Variants in NUAK1 observed in about 807,000 individuals in gnomAD.
NUAK1 encodes the protein NUAK family SNF1-like kinase 1.
NUAK1 carries 26 observed loss-of-function variants against 56.9 expected under a neutral mutation model. The ratio of observed to expected loss-of-function variants is 0.46; its 90% CI spans 0.33 to 0.63. NUAK1 has a LOEUF of 0.63. Ranked by LOEUF, NUAK1 falls within the 30% of genes least tolerant of loss-of-function variation. The pLI, the probability that NUAK1 is intolerant of heterozygous loss-of-function variation, is 0.02. For synonymous variants in NUAK1, 337 were observed against 336.0 expected, an observed-to-expected ratio of 1.00 and a Z score of -0.03; for missense variants, 727 against 876.1, an observed-to-expected ratio of 0.83 and a Z score of 2.15.
intron 2 of NUAK1, among the ~76,000 whole-genome samples, chr12:106,103,649 A>G (rs2032770354): frequency 6.6e-6 from 1 of 152,184 alleles, no homozygotes; most frequent in African/African-American, 2.4e-5. Flanking sequence ...TACTGCTTAC[A>G]TGCCTACTAA....
At chr12:106,094,494 G>T (rs1456453420) in intron 2 of NUAK1, among the ~76,000 whole-genome samples, 1 of 152,208 alleles carries the variant, frequency 6.6e-6, no homozygotes, top group Non-Finnish European at 1.5e-5. Context: ...TGGGCTCACA[G>T]CTTCACTAAA....
At chr12:106,096,430 C>T (rs924779173) in intron 2 of NUAK1, among the ~76,000 whole-genome samples, 1 of 152,228 alleles carries the variant, frequency 6.6e-6, no homozygotes, top group South Asian at 2.1e-4. Context: ...CTGAAGCACT[C>T]GTTCACATGA....
Position 106,066,836 on chromosome 12 carries a change from T to C in NUAK1, c.1952A>G (p.Lys651Arg). 2 of 1,613,944 alleles carry C rather than the reference T, an allele frequency of 1.2e-6. No individual in the cohort carries two copies. The highest frequency in any genetic ancestry group is 1.1e-5 in the South Asian group (1 of 91,074). The change falls in exon 7 of 7, where the codon AAG becomes AGG. Residue 651 changes from lysine (K) to arginine (R), a missense_variant. By Grantham distance (26) the Lys-to-Arg change is conservative. Transcript: ENST00000261402. ...CTTGCTGCAGATCTCCAGCGCTTGCTTGTAGACCTGAGTCACATCATCCAT... is the reference window on the plus strand; with the variant it reads ...CTTGCTGCAGATCTCCAGCGCTTGCCTGTAGACCTGAGTCACATCATCCAT... ...TDMDDVTQVY[K>R]QALEICSKLN
chr12:106,097,856 T>G (rs1367817123), intron 2 of NUAK1, among the ~76,000 whole-genome samples: 1 of 152,194 alleles, frequency 6.6e-6, no homozygotes, highest in Non-Finnish European at 1.5e-5. Flanking sequence ...CTTTGAGAAC[T>G]GCTGCTCAAA....
intron 1 of NUAK1, among the ~76,000 whole-genome samples, chr12:106,130,068 G>A (rs986390799): frequency 6.6e-5 from 10 of 151,746 alleles, no homozygotes; most frequent in Non-Finnish European, 1.3e-4. Flanking sequence ...TGCAACCTCC[G>A]CCTCACAGGT....
chr12:106,129,669 G>T (rs1289794102), intron 1 of NUAK1, among the ~76,000 whole-genome samples: 2 of 152,126 alleles, frequency 1.3e-5, no homozygotes, highest in African/African-American at 2.4e-5. Flanking sequence ...AAGATAAGAA[G>T]GTCACTGGGT....
chr12:106,089,268 G>T (rs11615359), intron 2 of NUAK1, among the ~76,000 whole-genome samples: 24,059 of 152,212 alleles, frequency 0.16, 2,978 homozygotes, highest in East Asian at 0.5. Flanking sequence ...AGTCTGGCAC[G>T]TCTTTAAGGG....
chr12:106,067,433 C>G lies in NUAK1; in HGVS notation c.1355G>C (p.Gly452Ala). ...GGCCGACTGCTTGGGGCTGAGTTTT[C>G]CCGGCACCTCTGCCTCTGGTGAGCT... ...LPSSPEAEVP[G>A]KLSPKQSATM... The change falls in exon 7 of 7, where the codon GGA becomes GCA. Residue 452 changes from glycine (G) to alanine (A), a missense_variant. By Grantham distance (60) the Gly-to-Ala change is moderately conservative. Coordinates refer to ENST00000261402, the MANE Select transcript of NUAK1 (RefSeq NM_014840.3). This position sits in a 1 kb window ranked among gnomAD's most constrained non-coding sequence, Gnocchi z 6.0. 6.2e-7 allele frequency: 1 copy of G among 1,614,202 alleles called. No homozygotes were observed. Among genetic ancestry groups the G allele is most frequent in the Non-Finnish European group, 8.5e-7 (1 of 1,180,052 alleles).
chr12:106,074,596 C>G (rs2032441809), intron 4 of NUAK1, among the ~76,000 whole-genome samples: 2 of 152,138 alleles, frequency 1.3e-5, no homozygotes, highest in African/African-American at 2.4e-5. Flanking sequence ...TTTCACTCCA[C>G]TCTAAGCCAG....
At chr12:106,090,677 A>G (rs1293078626) in intron 2 of NUAK1, among the ~76,000 whole-genome samples, 1 of 152,132 alleles carries the variant, frequency 6.6e-6, no homozygotes, top group Admixed American at 6.5e-5. Flanking sequence ...CCGCCTCCTC[A>G]TCAGTCCAAT....
intron 2 of NUAK1, among the ~76,000 whole-genome samples, chr12:106,098,390 C>T (rs780219372): frequency 6.6e-6 from 1 of 152,102 alleles, no homozygotes; most frequent in Non-Finnish European, 1.5e-5. Flanking sequence ...AAATGCTTAT[C>T]AAAGGACGTG....
chr12:106,112,591 C>G (rs2032872807), intron 1 of NUAK1, among the ~76,000 whole-genome samples: 1 of 152,204 alleles, frequency 6.6e-6, no homozygotes, highest in South Asian at 2.1e-4. Flanking sequence ...GCCTGGCCAA[C>G]TCAGAACAAC....
intron 1 of NUAK1, among the ~76,000 whole-genome samples, chr12:106,119,633 C>T (rs560839464): frequency 6.6e-6 from 1 of 152,320 alleles, no homozygotes; most frequent in Non-Finnish European, 1.5e-5. Flanking sequence ...TCCCCTTAAT[C>T]TTTAACTTTT....
chr12:106,104,711 A>G (rs2032783519), intron 2 of NUAK1, among the ~76,000 whole-genome samples: 1 of 152,226 alleles, frequency 6.6e-6, no homozygotes, highest in Admixed American at 6.5e-5. Flanking sequence ...AAATCCTATC[A>G]CCAAGGGCTC....
At chr12:106,128,526 C>G (rs142675250) in intron 1 of NUAK1, among the ~76,000 whole-genome samples, 167 of 152,314 alleles carry the variant, frequency 1.1e-3, no homozygotes, top group Non-Finnish European at 2.1e-3. Context: ...GGGTGAACCA[C>G]TCGTGAGCTG....
chr12:106,086,403 T>C (rs2032570943), intron 3 of NUAK1, among the ~76,000 whole-genome samples: 1 of 152,188 alleles, frequency 6.6e-6, no homozygotes, highest in African/African-American at 2.4e-5. Flanking sequence ...ATGTTAATAT[T>C]AGGGTAAACT....
chr12:106,088,535 G>C (rs1039643677), intron 2 of NUAK1, among the ~76,000 whole-genome samples: 7 of 152,158 alleles, frequency 4.6e-5, no homozygotes, highest in African/African-American at 1.2e-4. Flanking sequence ...AAAAACTATA[G>C]TGTTGGAATG....
chr12:106,120,603 C>T (rs531483760), intron 1 of NUAK1, among the ~76,000 whole-genome samples: 1 of 152,194 alleles, frequency 6.6e-6, no homozygotes, highest in South Asian at 2.1e-4. Context: ...AACAGAAGTC[C>T]CTCCAAATGT....
intron 4 of NUAK1, among the ~76,000 whole-genome samples, chr12:106,074,066 T>C (rs574539334): frequency 6.6e-6 from 1 of 152,142 alleles, no homozygotes; most frequent in South Asian, 2.1e-4. Flanking sequence ...CATATACATA[T>C]ATATATTTGC....
Sources: gnomAD v4.1 joint callset for allele counts (sites outside exome capture counted in the v4.1 genomes callset) on GRCh38, gnomAD v4.1.1 for gene constraint, Gnocchi (gnomAD v3.1) non-coding constraint, MANE v1.5 for transcripts, NCBI Gene and HGNC (gene_info 2026-07-23, HGNC 2026-07-21) for gene names.